The following ROBO2 variants were observed in gnomAD, a reference collection of about 807,000 sequenced individuals.
ROBO2 encodes roundabout guidance receptor 2, also known as roundabout homolog 2.
ROBO2 carries 53 observed loss-of-function variants against 160.8 expected under a neutral mutation model. The observed-to-expected ratio is 0.33, with a 90% CI of 0.26 to 0.41. The LOEUF is 0.41. ROBO2 is among the 10% of genes least tolerant of loss of function. The pLI is 1.00. For missense variants in ROBO2, 1,577 were observed against 1,722.4 expected, an observed-to-expected ratio of 0.92 and a Z score of 1.49; for synonymous variants, 664 against 611.7, an observed-to-expected ratio of 1.09 and a Z score of -1.26.
chr3:77,475,718 A>G (rs1014607590), intron 2 of ROBO2, among the ~76,000 whole-genome samples: 1 of 152,204 alleles, frequency 6.6e-6, no homozygotes, highest in Non-Finnish European at 1.5e-5. Context: ...TAGAATATAA[A>G]TGAGTCACCA....
chr3:76,387,236 C>T (rs2076935273), intron 2 of ROBO2, among the ~76,000 whole-genome samples: 1 of 152,102 alleles, frequency 6.6e-6, no homozygotes, highest in Admixed American at 6.5e-5. Flanking sequence ...ACCTCCCAAT[C>T]CTGTTGGGTT....
chr3:76,714,669 C>G (rs2093351757), intron 2 of ROBO2, among the ~76,000 whole-genome samples: 1 of 152,132 alleles, frequency 6.6e-6, no homozygotes. Context: ...TTGCTGGACT[C>G]AACACATTTC....
intron 5 of ROBO2, among the ~76,000 whole-genome samples, chr3:77,516,752 C>T (rs1360962554): frequency 2.0e-5 from 3 of 151,564 alleles, no homozygotes. Context: ...ATTTAAGTTA[C>T]ATTTCAGAGC....
intron 2 of ROBO2, among the ~76,000 whole-genome samples, chr3:76,713,439 C>T (rs1393124373): frequency 6.6e-6 from 1 of 151,962 alleles, no homozygotes; most frequent in Non-Finnish European, 1.5e-5. Context: ...GCTGTGTCTT[C>T]CCCCACTGAT....
At chr3:75,960,333 A>G (rs187346056) in intron 2 of ROBO2, among the ~76,000 whole-genome samples, 21 of 151,948 alleles carry the variant, frequency 1.4e-4, no homozygotes, top group African/African-American at 4.8e-4. Flanking sequence ...AAGTTTAACT[A>G]TAATCTTGTG....
intron 2 of ROBO2, among the ~76,000 whole-genome samples, chr3:76,652,617 T>A (rs2091305505): frequency 6.6e-6 from 1 of 152,242 alleles, no homozygotes; most frequent in Non-Finnish European, 1.5e-5. Context: ...ACTAAATTTA[T>A]ATCTTTAAGT....
At chr3:77,078,384 CAG>C (rs1350725598) in intron 1 of ROBO2, among the ~76,000 whole-genome samples, 6 of 152,266 alleles carry the variant, frequency 3.9e-5, no homozygotes, top group Non-Finnish European at 8.8e-5. Flanking sequence ...CTTCTCATAA[CAG>C]GGGGTAGGAG....
chr3:76,072,236 C>T (rs564001717), intron 2 of ROBO2, among the ~76,000 whole-genome samples: 8 of 87,684 alleles, frequency 9.1e-5, no homozygotes, highest in South Asian at 7.8e-4. Context: ...TTCTTTCCCC[C>T]GCAAAAAAAA....
At chr3:76,420,317 T>C (rs980209815) in intron 2 of ROBO2, among the ~76,000 whole-genome samples, 2 of 152,114 alleles carry the variant, frequency 1.3e-5, no homozygotes, top group Non-Finnish European at 2.9e-5. Context: ...ACCTGACCCA[T>C]TACACTGTTA....
At chr3:76,700,335 A>G (rs2093022032) in intron 2 of ROBO2, among the ~76,000 whole-genome samples, 1 of 152,140 alleles carries the variant, frequency 6.6e-6, no homozygotes, top group African/African-American at 2.4e-5. Flanking sequence ...GCGATGTTTC[A>G]TAACTCATCT....
rs530592768 is a variant in ROBO2, at chr3:76,128,784, T to A, written c.109+191182T>A. Among the ~76,000 whole-genome samples the A allele has an allele frequency of 5.3e-5, 8 of 152,246 alleles. No individual in the cohort carries two copies. The East Asian group carries it at 5.8e-4, about 11-fold the overall frequency. On this transcript the variant is annotated intron_variant, in intron 2 of 26. Coordinates refer to the ROBO2 transcript ENST00000487694. ...CTGCTTTTTTCTTATACTGTATTTT[T>A]AAAAAAGATTTAATAACATTCATTT...
intron 2 of ROBO2, among the ~76,000 whole-genome samples, chr3:77,305,188 T>C (rs2062995785): frequency 6.6e-6 from 1 of 152,240 alleles, no homozygotes; most frequent in Non-Finnish European, 1.5e-5. Context: ...TTTGTAACAT[T>C]TGAAAAATAA....
intron 2 of ROBO2, among the ~76,000 whole-genome samples, chr3:76,873,954 G>A (rs904017062): frequency 1.2e-4 from 19 of 152,028 alleles, no homozygotes; most frequent in African/African-American, 4.3e-4. Flanking sequence ...CCTTGAAATA[G>A]AAAATGGCAC....
At chr3:77,014,834 A>T (rs919155144) in intron 2 of ROBO2, among the ~76,000 whole-genome samples, 3 of 152,172 alleles carry the variant, frequency 2.0e-5, no homozygotes, top group Non-Finnish European at 2.9e-5. Context: ...AGTTTCATTT[A>T]ACATCTGCCC....
intron 2 of ROBO2, among the ~76,000 whole-genome samples, chr3:76,178,855 C>A (rs146263711): frequency 6.6e-6 from 1 of 152,004 alleles, no homozygotes; most frequent in African/African-American, 2.4e-5. Context: ...GCAGGAGAAT[C>A]GCTTGAACCT....
intron 2 of ROBO2, among the ~76,000 whole-genome samples, chr3:76,259,610 T>C (rs955503791): frequency 2.6e-5 from 4 of 152,196 alleles, no homozygotes; most frequent in Non-Finnish European, 4.4e-5. Context: ...ACAGAAGAAG[T>C]ACATTTGTTT....
chr3:76,457,403 C>T (rs557933244), intron 2 of ROBO2, among the ~76,000 whole-genome samples: 2 of 152,300 alleles, frequency 1.3e-5, no homozygotes, highest in Non-Finnish European at 2.9e-5. Context: ...GGTCTCACAT[C>T]GAGGTTATGC....
At chr3:77,390,004 A>C (rs1430306000) in intron 2 of ROBO2, among the ~76,000 whole-genome samples, 1 of 152,186 alleles carries the variant, frequency 6.6e-6, no homozygotes, top group Non-Finnish European at 1.5e-5. Flanking sequence ...GATTTTACCT[A>C]TAAGTGTATT....
At chr3:76,240,577 T>C (rs1705225153) in intron 2 of ROBO2, among the ~76,000 whole-genome samples, 1 of 152,184 alleles carries the variant, frequency 6.6e-6, no homozygotes, top group Admixed American at 6.5e-5. Context: ...ATCTAAGTGC[T>C]ATGATTGGAG....
Sources: gnomAD v4.1 joint callset for allele counts (sites outside exome capture counted in the v4.1 genomes callset) on GRCh38, gnomAD v4.1.1 for gene constraint, MANE v1.5 for transcripts, NCBI Gene and HGNC (gene_info 2026-07-23, HGNC 2026-07-21) for gene names.